Variants in RALYL observed in about 807,000 individuals in gnomAD.
RALYL encodes RALY RNA binding protein like.
In RALYL, 29 loss-of-function variants were observed where a neutral mutation model predicts 35.1. The observed-to-expected ratio is 0.83, with a 90% CI of 0.61 to 1.13. The LOEUF (loss-of-function observed/expected upper bound fraction) is 1.13. RALYL is among the 50% of genes most tolerant of loss of function. The probability of loss-of-function intolerance (pLI) is 0.00; values close to 1 mark genes in which losing one functional copy is unlikely to be tolerated. For synonymous variants in RALYL, 120 were observed against 127.6 expected (o/e 0.94, Z 0.40); for missense variants, 359 against 360.4 (o/e 1.00, Z 0.03).
chr8:84,905,707 T>TTTTG, intron 8 of RALYL, among the ~76,000 whole-genome samples: 1 of 151,746 alleles, frequency 6.6e-6, no homozygotes, highest in East Asian at 1.9e-4. Context: ...ACTATTTTTT[T>TTTTG]TTTTTTTGAG....
At chr8:84,646,811 G>A (rs1827599728) in intron 2 of RALYL, among the ~76,000 whole-genome samples, 1 of 151,872 alleles carries the variant, frequency 6.6e-6, no homozygotes, top group African/African-American at 2.4e-5. Context: ...GCCACTTCTG[G>A]CACCACTTAC....
intron 1 of RALYL, among the ~76,000 whole-genome samples, chr8:84,470,095 A>G (rs181564304): frequency 5.1e-4 from 78 of 152,116 alleles, no homozygotes; most frequent in African/African-American, 1.6e-3. Flanking sequence ...GAAATCACCC[A>G]TCTTCTGCGT....
chr8:84,628,625 C>A (rs1462477624), intron 2 of RALYL, among the ~76,000 whole-genome samples: 1 of 151,904 alleles, frequency 6.6e-6, no homozygotes, highest in Non-Finnish European at 1.5e-5. Context: ...TAAGTAAAAT[C>A]ATAACATTTT....
At chr8:84,347,221 T>C (rs1476126313) in intron 1 of RALYL, among the ~76,000 whole-genome samples, 1 of 150,992 alleles carries the variant, frequency 6.6e-6, no homozygotes, top group East Asian at 1.9e-4. Context: ...ACATTTACCA[T>C]TACAGTATTT....
At chr8:84,806,511 T>C (rs74356319) in intron 4 of RALYL, among the ~76,000 whole-genome samples, 6,352 of 152,046 alleles carry the variant, frequency 0.042, 186 homozygotes, top group Non-Finnish European at 0.065. Context: ...TAATCTTTGT[T>C]TTAAATTTAT....
chr8:84,327,892 A>G (rs897521786), intron 1 of RALYL, among the ~76,000 whole-genome samples: 4 of 152,222 alleles, frequency 2.6e-5, no homozygotes, highest in African/African-American at 9.6e-5. Flanking sequence ...AAGAATCAGA[A>G]GAATATACAC....
intron 2 of RALYL, among the ~76,000 whole-genome samples, chr8:84,694,231 A>G (rs1376970634): frequency 6.6e-6 from 1 of 151,926 alleles, no homozygotes; most frequent in African/African-American, 2.4e-5. Flanking sequence ...CAAAAATCTG[A>G]TTCATATCAG....
chr8:84,391,687 C>T (rs1192977794), intron 1 of RALYL, among the ~76,000 whole-genome samples: 2 of 152,002 alleles, frequency 1.3e-5, no homozygotes, highest in Non-Finnish European at 2.9e-5. Context: ...GCTTAATTGG[C>T]TCCTGCATTT....
chr8:84,792,063 G>A (rs1384598633), intron 3 of RALYL, among the ~76,000 whole-genome samples: 4 of 152,252 alleles, frequency 2.6e-5, no homozygotes, highest in Non-Finnish European at 2.9e-5. Context: ...CCAGCATCCA[G>A]GGAAGGGAGC....
chr8:84,246,964 C>A (rs1829228569), intron 1 of RALYL, among the ~76,000 whole-genome samples: 1 of 152,146 alleles, frequency 6.6e-6, no homozygotes, highest in African/African-American at 2.4e-5. Flanking sequence ...TTGGCTATGT[C>A]CAGATCCTAG....
rs546643372 is a variant in RALYL at position 84,317,853 on chromosome 8, C to T, written c.-24+133429C>T. Among the ~76,000 whole-genome samples, 138 of 152,282 alleles carry T rather than the reference C, an allele frequency of 9.1e-4. 3 individuals carry two copies. The highest frequency in any genetic ancestry group is 3.3e-3 in the African/African-American group (136 of 41,564). On this transcript the variant is annotated intron_variant, in intron 1 of 8. Coordinates refer to ENST00000521268, the MANE Select transcript of RALYL (RefSeq NM_173848.7). Reference sequence around the variant, plus strand: ...ATCACAGTCCTAGGTTTCACGGAAACTGGCTATTTTATGCTTCTTTTTATT... The same window carrying T: ...ATCACAGTCCTAGGTTTCACGGAAATTGGCTATTTTATGCTTCTTTTTATT...
rs537544115 is a variant in RALYL, at chr8:84,390,626, G to C, written c.-23-138673G>C. Reference sequence around the variant, plus strand: ...TTCTTCTAGATTTTCTAGTTTATTTGTGTAGAGGTGTTTGTAGTAATCTCT... The same window carrying C: ...TTCTTCTAGATTTTCTAGTTTATTTCTGTAGAGGTGTTTGTAGTAATCTCT... On this transcript the variant is annotated intron_variant, in intron 1 of 8. Transcript: ENST00000521268. Among the ~76,000 whole-genome samples, 17 of 152,180 alleles carry C rather than the reference G, an allele frequency of 1.1e-4. 2 individuals are homozygous for C. In the South Asian group the frequency reaches 3.3e-3, roughly 30 times the overall value.
intron 2 of RALYL, among the ~76,000 whole-genome samples, chr8:84,689,369 A>G (rs1043791623): frequency 5.3e-5 from 8 of 152,174 alleles, no homozygotes; most frequent in East Asian, 1.9e-4. Context: ...GAGAATGATG[A>G]TTTCCAATTT....
intron 2 of RALYL, among the ~76,000 whole-genome samples, chr8:84,684,582 ACTAT>A (rs1241427843): frequency 6.6e-6 from 1 of 152,226 alleles, no homozygotes; most frequent in African/African-American, 2.4e-5. Context: ...ATGAGAAAAC[ACTAT>A]CTGTGTTCAA....
At chr8:84,620,763 T>G (rs1306275891) in intron 2 of RALYL, among the ~76,000 whole-genome samples, 1 of 151,714 alleles carries the variant, frequency 6.6e-6, no homozygotes, top group African/African-American at 2.4e-5. Context: ...GATGTACAGA[T>G]GGGTTTTTGG....
intron 1 of RALYL, among the ~76,000 whole-genome samples, chr8:84,383,244 T>C (rs1387396544): frequency 6.6e-6 from 1 of 151,808 alleles, no homozygotes. Flanking sequence ...TGTAAAACAT[T>C]GTCCTATTAA....
chr8:84,352,825 TAGTC>T (rs1851166269), intron 1 of RALYL, among the ~76,000 whole-genome samples: 1 of 150,326 alleles, frequency 6.7e-6, no homozygotes, highest in African/African-American at 2.5e-5. Flanking sequence ...GGGGAACTGA[TAGTC>T]AGTAGACCTA....
At chr8:84,266,881 A>T (rs1415740784) in intron 1 of RALYL, among the ~76,000 whole-genome samples, 1 of 146,936 alleles carries the variant, frequency 6.8e-6, no homozygotes, top group Non-Finnish European at 1.5e-5. Context: ...AATGGCGTGA[A>T]CCCGGGAGGC....
intron 2 of RALYL, among the ~76,000 whole-genome samples, chr8:84,578,992 T>A (rs111324114): frequency 1.6e-3 from 239 of 152,202 alleles, no homozygotes; most frequent in African/African-American, 5.5e-3. Flanking sequence ...AGCTTGAAGG[T>A]GGGGCTTCAC....
Sources: gnomAD v4.1 joint callset for allele counts (sites outside exome capture counted in the v4.1 genomes callset) on GRCh38, gnomAD v4.1.1 for gene constraint, MANE v1.5 for transcripts, NCBI Gene and HGNC (gene_info 2026-07-23, HGNC 2026-07-21) for gene names.